PDZRN3: variants seen among roughly 807,000 people sequenced by gnomAD.
The protein encoded by PDZRN3 is PDZ domain containing ring finger 3.
A neutral mutation model predicts 85.7 loss-of-function variants in PDZRN3; 38 were observed. That is an observed-to-expected ratio of 0.44 (90% CI 0.34 to 0.58). The LOEUF (loss-of-function observed/expected upper bound fraction) is 0.58, where lower values mean the gene tolerates loss of function less well. Among genes scored for constraint, PDZRN3 ranks in the 20% least tolerant of loss-of-function variants. The pLI, the probability that PDZRN3 is intolerant of heterozygous loss-of-function variation, is 0.01. For missense variants in PDZRN3, 1,629 were observed against 1,506.4 expected (o/e 1.08, Z -1.35); for synonymous variants, 759 against 638.0 (o/e 1.19, Z -2.86).
intron 3 of PDZRN3, chr3:73,561,609 C>A (rs762242841): frequency 5.3e-5 from 8 of 152,172 alleles, no homozygotes; most frequent in Non-Finnish European, 8.8e-5. Context: ...ACTTGCAAGG[C>A]TATTATATAA....
chr3:73,404,108 A>G (rs1179401008), intron 4 of PDZRN3, 40 bp downstream of exon 4: 1 of 1,569,214 alleles, frequency 6.4e-7, no homozygotes, highest in Non-Finnish European at 8.7e-7. Context: ...ACTTGGAAAT[A>G]CTTCTTAATG....
At chr3:73,509,823 A>G (rs1436324468) in intron 3 of PDZRN3, among the ~76,000 whole-genome samples, 1 of 152,146 alleles carries the variant, frequency 6.6e-6, no homozygotes, top group Non-Finnish European at 1.5e-5. Context: ...GAATCCTGGC[A>G]CGGGCGGGCG....
intron 3 of PDZRN3, among the ~76,000 whole-genome samples, chr3:73,518,612 C>T (rs1289784591): frequency 6.6e-6 from 1 of 152,094 alleles, no homozygotes; most frequent in Non-Finnish European, 1.5e-5. Context: ...ATACCATAGT[C>T]TGGGTGGCTT....
intron 5 of PDZRN3, among the ~76,000 whole-genome samples, chr3:73,393,311 A>G (rs1022854867): frequency 4.6e-5 from 7 of 152,230 alleles, no homozygotes; most frequent in Non-Finnish European, 8.8e-5. Flanking sequence ...TCAAGGAAGT[A>G]CAGAAGATTC....
chr3:73,573,811 CTATACA>C (rs60904712), intron 3 of PDZRN3, among the ~76,000 whole-genome samples: 2,563 of 149,186 alleles, frequency 0.017, 38 homozygotes, highest in Admixed American at 0.028. Context: ...ACACATACAC[CTATACA>C]TATACATATA....
chr3:73,494,829 TC>T (rs1476513265), intron 3 of PDZRN3, among the ~76,000 whole-genome samples: 2 of 152,228 alleles, frequency 1.3e-5, no homozygotes, highest in African/African-American at 2.4e-5. Context: ...GATTTCTGGT[TC>T]CTTAACTTTC....
chr3:73,553,460 C>T (rs967420514), intron 3 of PDZRN3, among the ~76,000 whole-genome samples: 2 of 152,000 alleles, frequency 1.3e-5, no homozygotes, highest in Non-Finnish European at 2.9e-5. Context: ...CCTGTAATCC[C>T]AGCTACTCGG....
Position 73,431,864 on chromosome 3 carries a change from G to C in PDZRN3, c.919-27469C>G, listed in dbSNP as rs373821497. Among the ~76,000 whole-genome samples, 6 of 152,044 alleles carry C rather than the reference G, an allele frequency of 3.9e-5. No individual in the cohort carries two copies. In the South Asian group the frequency reaches 1.2e-3, roughly 32 times the overall value. ...TGGGGGCAGTCGTGTGTGTGTGTTT[G>C]GGGGTGGGGCTGGGGGGACTGAGCA... On this transcript the variant is annotated intron_variant, in intron 3 of 9. Coordinates refer to ENST00000263666, the MANE Select transcript of PDZRN3 (RefSeq NM_015009.3).
intron 3 of PDZRN3, among the ~76,000 whole-genome samples, chr3:73,601,895 C>CG (rs59600542): frequency 0.49 from 74,288 of 151,956 alleles, 19,733 homozygotes; most frequent in East Asian, 0.65. Context: ...AGACGACAAA[C>CG]TAACAGAGAG....
At chr3:73,447,067 A>AATAT (rs35272683) in intron 3 of PDZRN3, among the ~76,000 whole-genome samples, 220 of 141,938 alleles carry the variant, frequency 1.5e-3, no homozygotes, top group African/African-American at 4.1e-3. Context: ...AAAGAATTGC[A>AATAT]ATATATATAT....
intron 3 of PDZRN3, among the ~76,000 whole-genome samples, chr3:73,489,168 T>C (rs1433319305): frequency 2.6e-5 from 4 of 152,152 alleles, no homozygotes; most frequent in Non-Finnish European, 5.9e-5. Context: ...GTGGGCAGGG[T>C]GCAGCTTCTT....
rs1354580254 is a variant in PDZRN3 at position 73,624,530 on chromosome 3, G to A, written c.296C>T (p.Pro99Leu). The A allele has an allele frequency of 6.8e-7, 1 of 1,479,006 alleles. No homozygotes were observed. The highest frequency in any genetic ancestry group is 8.9e-7 in the Non-Finnish European group (1 of 1,121,030). The allele number at this position is 1,479,006 out of a possible 1,614,324, so 91.6% of individuals were successfully genotyped here. Residue 99 changes from proline (P) to leucine (L), a missense_variant, in exon 1 of 10, where the codon CCG becomes CTG. Physicochemically the swap from Pro to Leu is moderately conservative, Grantham distance 98. Coordinates refer to ENST00000263666, the MANE Select transcript of PDZRN3 (RefSeq NM_015009.3). ...CGRVVKLQQL[P>L]EHLERCDFAP... ...GAAGTCGCAGCGCTCGAGGTGCTCC[G>A]GCAGCTGCTGCAGCTTGACCACCCG...
At chr3:73,503,353 T>C (rs997106333) in intron 3 of PDZRN3, among the ~76,000 whole-genome samples, 2 of 152,164 alleles carry the variant, frequency 1.3e-5, no homozygotes, top group African/African-American at 4.8e-5. Context: ...CATTTACAAA[T>C]GATGAGTGCG....
intron 3 of PDZRN3, among the ~76,000 whole-genome samples, chr3:73,425,697 C>T (rs993462506): frequency 2.0e-4 from 31 of 152,050 alleles, no homozygotes; most frequent in African/African-American, 7.5e-4. Context: ...ATTACGCAGA[C>T]AGACTCATTT....
intron 3 of PDZRN3, among the ~76,000 whole-genome samples, chr3:73,464,708 A>C (rs1262259205): frequency 6.6e-6 from 1 of 152,210 alleles, no homozygotes; most frequent in Admixed American, 6.5e-5. Flanking sequence ...CTTTTTAAAA[A>C]AATCTGGAAC....
chr3:73,402,809 A>G (rs1328298889), intron 4 of PDZRN3, among the ~76,000 whole-genome samples: 1 of 152,158 alleles, frequency 6.6e-6, no homozygotes, highest in Non-Finnish European at 1.5e-5. Context: ...AAGAGGTGAA[A>G]ATGCCCTTTG....
intron 3 of PDZRN3, among the ~76,000 whole-genome samples, chr3:73,586,624 G>A (rs1373829695): frequency 6.6e-6 from 1 of 152,178 alleles, no homozygotes; most frequent in Admixed American, 6.5e-5. Flanking sequence ...CACCGGGGGG[G>A]TCTCAGAGAT....
At chr3:73,464,719 C>A (rs1013679285) in intron 3 of PDZRN3, among the ~76,000 whole-genome samples, 2 of 152,082 alleles carry the variant, frequency 1.3e-5, no homozygotes, top group African/African-American at 4.8e-5. Context: ...AATCTGGAAC[C>A]TAGATTCTGC....
chr3:73,592,203 A>G lies in PDZRN3; in HGVS notation c.918+10151T>C, dbSNP rs115196700. ...TCCTCAAATCAATATGTCTGGAAAC[A>G]TATGTCCATTTCCTAGCAACAATCA... On this transcript the variant is annotated intron_variant, in intron 3 of 9. Coordinates refer to ENST00000263666, the MANE Select transcript of PDZRN3 (RefSeq NM_015009.3). Among the ~76,000 whole-genome samples, 299 of 152,324 alleles carry G rather than the reference A, an allele frequency of 2.0e-3. 1 individual carries two copies. Among genetic ancestry groups the G allele is most frequent in the African/African-American group, 6.9e-3 (288 of 41,582 alleles).
Sources: allele counts gnomAD v4.1 joint callset (sites outside exome capture counted in the v4.1 genomes callset), GRCh38; gene constraint gnomAD v4.1.1; transcripts MANE v1.5; gene names NCBI Gene and HGNC (gene_info 2026-07-23, HGNC 2026-07-21).